SPRR2B: variants seen among roughly 807,000 people sequenced by gnomAD.
SPRR2B encodes the protein small proline-rich protein 2B.
A neutral mutation model predicts 1.0 loss-of-function variants in SPRR2B; 1 was observed. The ratio of observed to expected loss-of-function variants is 1.01; its 90% CI spans 0.36 to 4.77. SPRR2B has a LOEUF of 4.77. Ranked by LOEUF, SPRR2B falls within the 30% of genes most tolerant of loss-of-function variation. The pLI, the probability that SPRR2B is intolerant of heterozygous loss-of-function variation, is 0.16. For missense variants in SPRR2B, 53 were observed against 88.7 expected, an observed-to-expected ratio of 0.60 and a Z score of 1.62; for synonymous variants, 27 against 33.4, an observed-to-expected ratio of 0.81 and a Z score of 0.66.
chr1:153,083,656 G>A, the SPRR2B span, among the ~76,000 whole-genome samples: 1 of 152,192 alleles, frequency 6.6e-6, no homozygotes, highest in Admixed American at 6.5e-5. Flanking sequence ...ACTCGTTCCT[G>A]GCCTCCAGTG....
the SPRR2B span, among the ~76,000 whole-genome samples, chr1:153,079,123 G>A: frequency 6.6e-6 from 1 of 152,198 alleles, no homozygotes; most frequent in African/African-American, 2.4e-5. Flanking sequence ...GTGATGGTGA[G>A]CATTTTTTCA....
the SPRR2B span, among the ~76,000 whole-genome samples, chr1:153,084,398 C>T: frequency 6.6e-6 from 1 of 152,086 alleles, no homozygotes; most frequent in Non-Finnish European, 1.5e-5. Context: ...CAATGTATAC[C>T]CTTGTGCCAA....
chr1:153,079,724 A>G, the SPRR2B span, among the ~76,000 whole-genome samples: 4 of 151,948 alleles, frequency 2.6e-5, no homozygotes, highest in Non-Finnish European at 2.9e-5. Context: ...ATTGGTCTAT[A>G]TCTCTGTTTT....
At chr1:153,073,405 C>T (rs1654711955), upstream of SPRR2B, among the ~76,000 whole-genome samples, 1 of 152,158 alleles carries the variant, frequency 6.6e-6, no homozygotes, top group South Asian at 2.1e-4. Flanking sequence ...AATGAGATCA[C>T]TGTGTGAGAT....
At chr1:153,086,546 T>C in the SPRR2B span, among the ~76,000 whole-genome samples, 1 of 152,184 alleles carries the variant, frequency 6.6e-6, no homozygotes, top group East Asian at 1.9e-4. Flanking sequence ...CTTAGGGACC[T>C]TCAAAGAGAT....
chr1:153,071,247 A>C (rs182561), intron 1 of SPRR2B, among the ~76,000 whole-genome samples: 10,348 of 148,524 alleles, frequency 0.07, 527 homozygotes, highest in Non-Finnish European at 0.1. Context: ...AGGGCTGTTC[A>C]GGAAGAAGTG....
the SPRR2B span, among the ~76,000 whole-genome samples, chr1:153,081,991 T>A: frequency 4.6e-5 from 7 of 152,114 alleles, no homozygotes; most frequent in Admixed American, 4.6e-4. Flanking sequence ...AGTTTTGTAT[T>A]TTTAGTAGAG....
chr1:153,084,519 G>A, the SPRR2B span, among the ~76,000 whole-genome samples: 1 of 152,064 alleles, frequency 6.6e-6, no homozygotes, highest in African/African-American at 2.4e-5. Flanking sequence ...GCACCCATCA[G>A]CACCCTACCC....
At chr1:153,085,917 A>C in the SPRR2B span, among the ~76,000 whole-genome samples, 2,152 of 152,372 alleles carry the variant, frequency 0.014, 50 homozygotes, top group African/African-American at 0.048. Context: ...CCAGAATTTC[A>C]TATCTAGTCA....
intron 1 of SPRR2B, among the ~76,000 whole-genome samples, 169 bp from the exon 2 acceptor site, chr1:153,071,027 G>C (rs1188463410): frequency 7.8e-6 from 1 of 127,970 alleles, no homozygotes; most frequent in Admixed American, 7.4e-5. Context: ...TTAGCAAGTG[G>C]CTTCATCAGC....
the SPRR2B span, among the ~76,000 whole-genome samples, chr1:153,081,344 A>G: frequency 1.1e-4 from 16 of 152,246 alleles, no homozygotes; most frequent in Non-Finnish European, 2.1e-4. Context: ...TTAAGAAGTA[A>G]TTGACCAAAT....
At chr1:153,076,836 C>T in the SPRR2B span, among the ~76,000 whole-genome samples, 1 of 152,122 alleles carries the variant, frequency 6.6e-6, no homozygotes, top group African/African-American at 2.4e-5. Flanking sequence ...AACTGTGGTA[C>T]ATCACACCCA....
the SPRR2B span, among the ~76,000 whole-genome samples, chr1:153,078,878 C>T: frequency 6.6e-6 from 1 of 152,150 alleles, no homozygotes; most frequent in African/African-American, 2.4e-5. Flanking sequence ...GGTATATACC[C>T]AGTAATGGGA....
At chr1:153,076,111 C>A (rs530114815), upstream of SPRR2B, among the ~76,000 whole-genome samples, 12 of 152,172 alleles carry the variant, frequency 7.9e-5, no homozygotes, top group South Asian at 2.5e-3. Flanking sequence ...CTAATTTAGT[C>A]TACTGTTACT....
At chr1:153,073,639 T>TCA (rs376707109), upstream of SPRR2B, among the ~76,000 whole-genome samples, 17 of 151,004 alleles carry the variant, frequency 1.1e-4, no homozygotes, top group African/African-American at 3.4e-4. Flanking sequence ...CAGCTAACAG[T>TCA]CACACCTTCC....
chr1:153,084,702 A>G, the SPRR2B span, among the ~76,000 whole-genome samples: 1 of 152,122 alleles, frequency 6.6e-6, no homozygotes, highest in African/African-American at 2.4e-5. Flanking sequence ...CCATGCTGCC[A>G]CTGCTCTTGA....
the SPRR2B span, among the ~76,000 whole-genome samples, chr1:153,083,867 G>A: frequency 2.0e-5 from 3 of 152,256 alleles, no homozygotes; most frequent in South Asian, 4.1e-4. Context: ...CTGTAATGGA[G>A]CAGGGCTAGG....
At chr1:153,080,218 C>T in the SPRR2B span, among the ~76,000 whole-genome samples, 9 of 152,086 alleles carry the variant, frequency 5.9e-5, no homozygotes, top group South Asian at 1.7e-3. Flanking sequence ...GTTCATAGGT[C>T]TATAATAAAT....
At chr1:153,077,323 A>G in the SPRR2B span, among the ~76,000 whole-genome samples, 1 of 152,222 alleles carries the variant, frequency 6.6e-6, no homozygotes, top group African/African-American at 2.4e-5. Context: ...CATTGTCTGT[A>G]GATTTTGTGT....
Sources: allele counts gnomAD v4.1 joint callset (sites outside exome capture counted in the v4.1 genomes callset), GRCh38; gene constraint gnomAD v4.1.1; transcripts MANE v1.5; gene names NCBI Gene and HGNC (gene_info 2026-07-23, HGNC 2026-07-21).